Variants in ADCY2 observed in about 807,000 individuals in gnomAD.
The protein encoded by ADCY2 is adenylate cyclase type 2.
In ADCY2, 31 loss-of-function variants were observed where a neutral mutation model predicts 125.2. The observed-to-expected ratio is 0.25, with a 90% CI of 0.19 to 0.33. The LOEUF (loss-of-function observed/expected upper bound fraction) is 0.33. ADCY2 is among the 10% of genes least tolerant of loss of function. ADCY2 has a pLI of 1.00. For synonymous variants in ADCY2, 512 were observed against 548.4 expected, an observed-to-expected ratio of 0.93 and a Z score of 0.93; for missense variants, 904 against 1,418.2, an observed-to-expected ratio of 0.64 and a Z score of 5.82.
chr5:7,466,012 A>G (rs1742101349), intron 2 of ADCY2, among the ~76,000 whole-genome samples: 1 of 152,214 alleles, frequency 6.6e-6, no homozygotes, highest in African/African-American at 2.4e-5. Context: ...AGATGACCCC[A>G]ACTATATGAG....
chr5:7,812,905 A>C (rs1281903219), intron 22 of ADCY2, among the ~76,000 whole-genome samples: 1 of 152,182 alleles, frequency 6.6e-6, no homozygotes, highest in Non-Finnish European at 1.5e-5. Flanking sequence ...GCAAGACTCC[A>C]TCTCAAAAAA....
At chr5:7,790,992 T>C (rs1744233006) in intron 20 of ADCY2, among the ~76,000 whole-genome samples, 1 of 152,100 alleles carries the variant, frequency 6.6e-6, no homozygotes, top group African/African-American at 2.4e-5. Context: ...AGATCAGCTA[T>C]TAATTTGCAT....
intron 4 of ADCY2, among the ~76,000 whole-genome samples, chr5:7,675,136 T>C (rs1268604744): frequency 6.1e-5 from 9 of 147,032 alleles, no homozygotes; most frequent in Non-Finnish European, 1.3e-4. Context: ...CCGGCCTGGG[T>C]GAAAGAGTGA....
chr5:7,429,811 A>G (rs187234871), intron 2 of ADCY2, among the ~76,000 whole-genome samples: 138 of 152,328 alleles, frequency 9.1e-4, no homozygotes, highest in African/African-American at 3.0e-3. Flanking sequence ...GAAAAGAAGA[A>G]AGGACTGAAA....
At chr5:7,603,545 G>T (rs1225694005) in intron 3 of ADCY2, among the ~76,000 whole-genome samples, 1 of 152,134 alleles carries the variant, frequency 6.6e-6, no homozygotes, top group East Asian at 1.9e-4. Flanking sequence ...AGAATGTGGT[G>T]GTGTAACCAC....
intron 3 of ADCY2, among the ~76,000 whole-genome samples, chr5:7,525,023 G>T (rs1734406630): frequency 6.6e-6 from 1 of 151,446 alleles, no homozygotes; most frequent in East Asian, 1.9e-4. Context: ...ATTTTTTAGA[G>T]ATGGAGTCTC....
At chr5:7,448,698 T>C (rs1319280739) in intron 2 of ADCY2, among the ~76,000 whole-genome samples, 1 of 152,196 alleles carries the variant, frequency 6.6e-6, no homozygotes, top group Non-Finnish European at 1.5e-5. Context: ...GTTCTCATCA[T>C]TCAGCTCCCA....
intron 1 of ADCY2, among the ~76,000 whole-genome samples, chr5:7,407,769 C>T (rs1579411760): frequency 1.3e-5 from 2 of 151,820 alleles, no homozygotes; most frequent in African/African-American, 2.4e-5. Context: ...CCTGGGACCC[C>T]GTGAGTGTCC....
Position 7,709,418 on chromosome 5 carries a change from C to A in ADCY2, c.1578+31C>A. On this transcript the variant is annotated intron_variant, in intron 10 of 24. Coordinates refer to ENST00000338316, the MANE Select transcript of ADCY2 (RefSeq NM_020546.3). This position sits in a 1 kb window ranked among gnomAD's most constrained non-coding sequence, Gnocchi z 4.4. ...CCCTCCCCTGCCTCCAATGCCTGAG[C>A]ACTGGGGGAAAGCTAACTTCCCAAA... is the stretch of plus-strand genomic sequence containing the variant. The A allele has an allele frequency of 3.3e-6, 5 of 1,527,100 alleles. No individual in the cohort carries two copies. Among genetic ancestry groups the A allele is most frequent in the South Asian group, 1.3e-5 (1 of 78,984 alleles). The allele number at this position is 1,527,100 out of a possible 1,614,324, so 94.6% of individuals were successfully genotyped here. A position where few individuals can be genotyped will look rare whatever the true frequency, so the allele number is the denominator to read the frequency against.
chr5:7,589,994 C>T (rs73048185), intron 3 of ADCY2, among the ~76,000 whole-genome samples: 5,303 of 152,254 alleles, frequency 0.035, 285 homozygotes, highest in African/African-American at 0.12. Context: ...GTGTTAGCCA[C>T]AGGTGGCTCA....
intron 2 of ADCY2, among the ~76,000 whole-genome samples, chr5:7,435,608 A>G (rs924750604): frequency 6.6e-6 from 1 of 152,230 alleles, no homozygotes; most frequent in Non-Finnish European, 1.5e-5. Context: ...TATAGTTCCA[A>G]TTGGAAAATC....
At chr5:7,587,175 C>G (rs993204455) in intron 3 of ADCY2, among the ~76,000 whole-genome samples, 1 of 152,114 alleles carries the variant, frequency 6.6e-6, no homozygotes, top group Non-Finnish European at 1.5e-5. Context: ...TACCATCACT[C>G]GCAGGACTAA....
chr5:7,795,879 A>T (rs1192685041), intron 20 of ADCY2: 1 of 152,296 alleles, frequency 6.6e-6, no homozygotes, highest in Non-Finnish European at 1.5e-5. Flanking sequence ...AAATGTACAT[A>T]CCTTAACTTT....
chr5:7,703,094 A>T (rs1227160416), intron 7 of ADCY2, among the ~76,000 whole-genome samples: 1 of 151,818 alleles, frequency 6.6e-6, no homozygotes, highest in African/African-American at 2.4e-5. Flanking sequence ...TTTTCTTGTA[A>T]ATTTGTTTGA....
At chr5:7,647,743 C>T (rs542203150) in intron 4 of ADCY2, among the ~76,000 whole-genome samples, 2 of 152,306 alleles carry the variant, frequency 1.3e-5, no homozygotes, top group South Asian at 2.1e-4. Flanking sequence ...GACTTCTCTT[C>T]CTTTTTCACC....
chr5:7,484,578 G>GT (rs899337940), intron 2 of ADCY2, among the ~76,000 whole-genome samples: 2 of 152,138 alleles, frequency 1.3e-5, no homozygotes, highest in Non-Finnish European at 2.9e-5. Flanking sequence ...TGATGACTTT[G>GT]TTTTTTATCC....
chr5:7,585,466 C>A (rs1411338067), intron 3 of ADCY2, among the ~76,000 whole-genome samples: 1 of 152,132 alleles, frequency 6.6e-6, no homozygotes, highest in Non-Finnish European at 1.5e-5. Context: ...CTTCTTCAGG[C>A]AAATGTGGTT....
At chr5:7,753,197 A>G (rs62342489) in intron 15 of ADCY2, among the ~76,000 whole-genome samples, 28,486 of 152,090 alleles carry the variant, frequency 0.19, 4,165 homozygotes, top group African/African-American at 0.41. Flanking sequence ...GTGCCTGGCT[A>G]GGATTTTCCT....
chr5:7,717,086 C>G (rs1741614242), intron 11 of ADCY2, 71 bp from the exon 12 acceptor site: 2 of 935,296 alleles, frequency 2.1e-6, no homozygotes, highest in East Asian at 5.1e-5. Flanking sequence ...TATTATGTAT[C>G]TCTAAAAAAT....
Sources: gnomAD v4.1 joint callset for allele counts (sites outside exome capture counted in the v4.1 genomes callset) on GRCh38, gnomAD v4.1.1 for gene constraint, Gnocchi (gnomAD v3.1) non-coding constraint, MANE v1.5 for transcripts, NCBI Gene and HGNC (gene_info 2026-07-23, HGNC 2026-07-21) for gene names.